ALPK3: variants seen among roughly 807,000 people sequenced by gnomAD.
ALPK3 encodes alpha kinase 3.
Under a neutral mutation model 140.0 loss-of-function variants are expected in ALPK3, and 102 were observed. That is an observed-to-expected ratio of 0.73 (90% CI 0.62 to 0.86). The LOEUF (loss-of-function observed/expected upper bound fraction) is 0.86, where lower values mean the gene tolerates loss of function less well. ALPK3 is among the 40% of genes least tolerant of loss of function. The pLI, the probability that ALPK3 is intolerant of heterozygous loss-of-function variation, is 0.00. For synonymous variants in ALPK3, 938 were observed against 898.5 expected, an observed-to-expected ratio of 1.04 and a Z score of -0.79; for missense variants, 2,254 against 2,208.2, an observed-to-expected ratio of 1.02 and a Z score of -0.42.
chr15:84,858,286 C>G lies in ALPK3; in HGVS notation c.3548C>G (p.Pro1183Arg). 1 of 1,584,822 alleles carries G rather than the reference C, an allele frequency of 6.3e-7. No individual in the cohort carries two copies. The highest frequency in any genetic ancestry group is 8.6e-7 in the Non-Finnish European group (1 of 1,165,452). ...GCAGGAGACGGGGAGGCAACCACACCTGAAGAAAGGGAGAGCCCCACGGTT... is the reference window on the plus strand; with the variant it reads ...GCAGGAGACGGGGAGGCAACCACACGTGAAGAAAGGGAGAGCCCCACGGTT... The part of the protein sequence containing the change: ...RAAGDGEATT[P>R]EERESPTVSP... Residue 1183 changes from proline to arginine, a missense_variant, in exon 6 of 14, where the codon CCT (proline) becomes CGT (arginine). Around this residue, in one of 3 missense-constraint regions of ALPK3, gnomAD observed 2,088 missense variants for 2,022.9 expected, o/e 1.03. Coordinates refer to ENST00000258888, the MANE Select transcript of ALPK3 (RefSeq NM_020778.5).
rs538452762 is a variant in ALPK3 at position 84,869,709 on chromosome 15, C to T, written c.*1253C>T. 1 of 152,826 alleles carries T rather than the reference C, an allele frequency of 6.5e-6. No individual in the cohort carries two copies. Among genetic ancestry groups the T allele is most frequent in the South Asian group, 2.1e-4 (1 of 4,820 alleles). 9.5% of individuals were successfully genotyped at this position (152,826 alleles called of 1,614,324 possible). ...ATGGGGTAGGTCTGCAGCTAGCCTA[C>T]TCCCTTTGGAATGCAATAAAGGCAG... is the stretch of plus-strand genomic sequence containing the variant. On this transcript the variant is annotated 3_prime_UTR_variant, in exon 14 of 14. Coordinates refer to ENST00000258888, the MANE Select transcript of ALPK3 (RefSeq NM_020778.5).
In ALPK3 at chr15:84,840,259, T is replaced by G. The variant is rs751883280; in HGVS notation, c.980T>G (p.Leu327Arg). Reference protein sequence around the residue: ...KKKDEESKQGLRKPELEKAAQ... With the variant: ...KKKDEESKQGRRKPELEKAAQ... ...AAAGATGAGGAATCCAAGCAAGGCCTGCGGAAGCCAGAGTTAGAGAAGGCA... is the reference window on the plus strand; with the variant it reads ...AAAGATGAGGAATCCAAGCAAGGCCGGCGGAAGCCAGAGTTAGAGAAGGCA... The change falls in exon 5 of 14, where the codon CTG becomes CGG. Residue 327 changes from leucine (L) to arginine (R), a missense_variant. Physicochemically the swap from Leu to Arg is moderately radical, Grantham distance 102. Transcript: ENST00000258888. The G allele has an allele frequency of 2.5e-6, 4 of 1,613,706 alleles. No homozygotes were observed.
At chr15:84,855,973 C>A (rs1343553602) in intron 5 of ALPK3, among the ~76,000 whole-genome samples, 1 of 152,144 alleles carries the variant, frequency 6.6e-6, no homozygotes, top group East Asian at 1.9e-4. Context: ...CTCACTTCAC[C>A]CATAATTCTA....
At chr15:84,837,484 C>T (rs1239119682) in intron 3 of ALPK3, among the ~76,000 whole-genome samples, 3 of 152,304 alleles carry the variant, frequency 2.0e-5, no homozygotes, top group South Asian at 2.1e-4. Flanking sequence ...CATGTCTCAC[C>T]TTTTCTATCA....
Position 84,858,172 on chromosome 15 carries a change from G to A in ALPK3, c.3434G>A (p.Gly1145Glu). The stretch of plus-strand genomic sequence containing the variant: ...CCCTCCCAAGAGGAGAAGTTCCCAG[G>A]GGAGGCTCTGACAGGTCTCCCGGCA... ...QEPSQEEKFP[G>E]EALTGLPAAT... The change falls in exon 6 of 14, where the codon GGG (glycine) becomes GAG (glutamate). Residue 1145 changes from glycine (G) to glutamate (E), a missense_variant. Gly to Glu is a moderately conservative substitution (Grantham distance 98). Around this residue, in one of 3 missense-constraint regions of ALPK3, gnomAD observed 2,088 missense variants for 2,022.9 expected, o/e 1.03. Transcript: ENST00000258888. The A allele has an allele frequency of 6.2e-7, 1 of 1,612,022 alleles. No homozygotes were observed. Among genetic ancestry groups the A allele is most frequent in the Non-Finnish European group, 8.5e-7 (1 of 1,179,222 alleles).
At position 84,859,807 on chromosome 15, in the gene ALPK3, A is replaced by G. The variant is rs1176476769; in HGVS notation, c.3997A>G (p.Ile1333Val). Residue 1333 changes from isoleucine (I) to valine (V), a missense_variant, in exon 8 of 14, where the codon ATC (isoleucine) becomes GTC (valine). Around this residue, in one of 3 missense-constraint regions of ALPK3, gnomAD observed 2,088 missense variants for 2,022.9 expected, o/e 1.03. Coordinates refer to ENST00000258888, the MANE Select transcript of ALPK3 (RefSeq NM_020778.5). ...GGATGAGGGGCCGGCGGCCTTGGCC[A>G]TCGTGCAGGCCTCCCCCGTAGACTG... Reference protein sequence around the residue: ...AGDEGPAALAIVQASPVDCGV... With the variant: ...AGDEGPAALAVVQASPVDCGV... 9 of 1,613,692 alleles carry G rather than the reference A, an allele frequency of 5.6e-6. No homozygotes were observed. The highest frequency in any genetic ancestry group is 3.3e-5 in the Admixed American group (2 of 60,016).
intron 3 of ALPK3, among the ~76,000 whole-genome samples, chr15:84,829,217 T>A (rs1393682161): frequency 2.0e-5 from 3 of 152,238 alleles, no homozygotes; most frequent in Non-Finnish European, 4.4e-5. Flanking sequence ...GTTTTAGATG[T>A]TCTCTATTGT....
At chr15:84,838,796 A>G (rs1329773546) in intron 3 of ALPK3, among the ~76,000 whole-genome samples, 184 bp from the exon 4 acceptor site, 4 of 151,666 alleles carry the variant, frequency 2.6e-5, no homozygotes, top group Non-Finnish European at 4.4e-5. Flanking sequence ...ATTTTTTTGT[A>G]GTTTTAGTAG....
chr15:84,835,174 C>T (rs1245273409), intron 3 of ALPK3, among the ~76,000 whole-genome samples: 1 of 152,206 alleles, frequency 6.6e-6, no homozygotes, highest in Non-Finnish European at 1.5e-5. Context: ...TGAGCTGGGT[C>T]CTTGTAGGGA....
rs1964057462 is a variant in ALPK3, at chr15:84,870,522, A to C, written c.*2066A>C. On this transcript the variant is annotated 3_prime_UTR_variant, in exon 14 of 14. Coordinates refer to ENST00000258888, the MANE Select transcript of ALPK3 (RefSeq NM_020778.5). ...ACAGAAATGAACTTGGACCAACTTA[A>C]GCAAGGAAAAAGCGTTCATGGGAAG... is the stretch of plus-strand genomic sequence containing the variant. 1 of 152,270 alleles carries C rather than the reference A, an allele frequency of 6.6e-6. No homozygotes were observed. The highest frequency in any genetic ancestry group is 1.5e-5 in the Non-Finnish European group (1 of 68,072). 9.4% of individuals were successfully genotyped at this position (152,270 alleles called of 1,614,324 possible). A position where few individuals can be genotyped will look rare whatever the true frequency, so the allele number is the denominator to read the frequency against.
chr15:84,843,798 A>T (rs887769340), intron 5 of ALPK3, among the ~76,000 whole-genome samples: 1 of 152,230 alleles, frequency 6.6e-6, no homozygotes, highest in Non-Finnish European at 1.5e-5. Flanking sequence ...AGAAGATAGA[A>T]ATTGGCCCAC....
In ALPK3 at chr15:84,868,420, CCAA is replaced by C; in HGVS notation, c.5083_5085del (p.Gln1695del). On this transcript the variant is annotated inframe_deletion, in exon 14 of 14. Transcript: ENST00000258888. ...CTCAGTTGTTGGGACAGCCTCCCAC[CCAA>C]GAGGAGGGCTCCAAGGCCCAGGGCA... is the stretch of plus-strand genomic sequence containing the variant. 6.2e-7 allele frequency: 1 copy of C among 1,611,676 alleles called. No homozygotes were observed. Among genetic ancestry groups the C allele is most frequent in the Non-Finnish European group, 8.5e-7 (1 of 1,179,988 alleles).
rs772410665 is a variant in ALPK3 at position 84,864,533 on chromosome 15, T to C, written c.4591T>C (p.Cys1531Arg). ...EDLGKPLESYCSREWGCAEAP... is the reference protein window; with the variant it reads ...EDLGKPLESYRSREWGCAEAP... ...CCTGGGCAAGCCCCTGGAGTCTTAC[T>C]GTTCTCGGGAATGGGGCTGTGCTGA... Residue 1531 changes from cysteine (C) to arginine (R), a missense_variant, in exon 12 of 14, where the codon TGT becomes CGT. By Grantham distance (180) the Cys-to-Arg change is radical (BLOSUM62 -3). This residue lies in a region of ALPK3 where 2,088 missense variants were observed against 2,022.9 expected (regional missense o/e 1.03). Coordinates refer to ENST00000258888, the MANE Select transcript of ALPK3 (RefSeq NM_020778.5). The C allele has an allele frequency of 5.0e-6, 8 of 1,614,094 alleles. No individual in the cohort carries two copies. Among genetic ancestry groups the C allele is most frequent in the Non-Finnish European group, 5.9e-6 (7 of 1,180,036 alleles).
At chr15:84,844,611 C>A (rs1021736681) in intron 5 of ALPK3, among the ~76,000 whole-genome samples, 2 of 152,068 alleles carry the variant, frequency 1.3e-5, no homozygotes, top group African/African-American at 2.4e-5. Flanking sequence ...AATCCCAGCA[C>A]TTTGGGAGGC....
In ALPK3 at chr15:84,855,266, C is replaced by T. The variant is rs568266186; in HGVS notation, c.1654-1126C>T. Among the ~76,000 whole-genome samples, 262 of 152,272 alleles carry T rather than the reference C, an allele frequency of 1.7e-3. 4 individuals carry two copies. Among genetic ancestry groups the T allele is most frequent in the African/African-American group, 5.9e-3 (246 of 41,550 alleles). On this transcript the variant is annotated intron_variant, in intron 5 of 13. Transcript: ENST00000258888. Reference sequence around the variant, plus strand: ...TTGTCTACAGTAGCCGTGATTTTGCCGGCGTCTTGAGACCTGCTGAACAGC... The same window carrying T: ...TTGTCTACAGTAGCCGTGATTTTGCTGGCGTCTTGAGACCTGCTGAACAGC...
chr15:84,860,006 AG>A, intron 8 of ALPK3, 30 bp from the exon 9 acceptor site: 1 of 1,614,018 alleles, frequency 6.2e-7, no homozygotes, highest in South Asian at 1.1e-5. Flanking sequence ...AGCAGCCTGA[AG>A]GCACTGCTTT....
chr15:84,839,932 C>G lies in ALPK3; in HGVS notation c.653C>G (p.Pro218Arg). The G allele has an allele frequency of 1.2e-6, 2 of 1,613,722 alleles. No homozygotes were observed. Among genetic ancestry groups the G allele is most frequent in the Non-Finnish European group, 1.7e-6 (2 of 1,179,850 alleles). Reference protein sequence around the residue: ...GEVDTLRKLSPDRFQRKRRLS... With the variant: ...GEVDTLRKLSRDRFQRKRRLS... Reference sequence around the variant, plus strand: ...GTCGACACTCTGCGCAAGCTCAGCCCCGACCGCTTCCAGCGAAAGCGGCGA... The same window carrying G: ...GTCGACACTCTGCGCAAGCTCAGCCGCGACCGCTTCCAGCGAAAGCGGCGA... The change falls in exon 5 of 14, where the codon CCC (proline) becomes CGC (arginine). Residue 218 changes from proline to arginine, a missense_variant. This residue lies in a region of ALPK3 where 2,088 missense variants were observed against 2,022.9 expected (regional missense o/e 1.03). Coordinates refer to ENST00000258888, the MANE Select transcript of ALPK3 (RefSeq NM_020778.5).
At position 84,870,343 on chromosome 15, in the gene ALPK3, A is replaced by G. The variant is rs933578787; in HGVS notation, c.*1887A>G. On this transcript the variant is annotated 3_prime_UTR_variant, in exon 14 of 14. Coordinates refer to ENST00000258888, the MANE Select transcript of ALPK3 (RefSeq NM_020778.5). ...ACTTTGGTGAACTGAGAGCTGGAGT[A>G]CTGTTCATTCATTTATTCATTCACC... The G allele has an allele frequency of 6.6e-6, 1 of 152,274 alleles. No individual in the cohort carries two copies. Among genetic ancestry groups the G allele is most frequent in the African/African-American group, 2.4e-5 (1 of 41,468 alleles). The allele number at this position is 152,274 out of a possible 1,614,324, so 9.4% of individuals were successfully genotyped here.
rs1198626416 is a variant in ALPK3, at chr15:84,840,861, C to A, written c.1582C>A (p.Pro528Thr). The change falls in exon 5 of 14, where the codon CCT (proline) becomes ACT (threonine). Residue 528 changes from proline (P) to threonine (T), a missense_variant. Physicochemically the swap from Pro to Thr is conservative, Grantham distance 38. Coordinates refer to ENST00000258888, the MANE Select transcript of ALPK3 (RefSeq NM_020778.5). ...GGCCTCTGTGCAGGTGCCGACGCCC[C>A]CTGCCCGGCGGAGACATGGCACCCG... is the stretch of plus-strand genomic sequence containing the variant. ...PQASVQVPTP[P>T]ARRRHGTRDS... The A allele has an allele frequency of 1.2e-6, 2 of 1,613,874 alleles. No individual in the cohort carries two copies. Among genetic ancestry groups the A allele is most frequent in the Non-Finnish European group, 1.7e-6 (2 of 1,179,976 alleles).
Sources: allele counts gnomAD v4.1 joint callset (sites outside exome capture counted in the v4.1 genomes callset), GRCh38; gene constraint gnomAD v4.1.1; regional missense constraint gnomAD v4.1.1; transcripts MANE v1.5; gene names NCBI Gene and HGNC (gene_info 2026-07-23, HGNC 2026-07-21).